GULP1: variants seen among roughly 807,000 people sequenced by gnomAD.
The protein encoded by GULP1 is PTB domain-containing engulfment adapter protein 1.
Under a neutral mutation model 40.9 loss-of-function variants are expected in GULP1, and 19 were observed. The observed-to-expected ratio is 0.46, with a 90% confidence interval of 0.32 to 0.68. The LOEUF (loss-of-function observed/expected upper bound fraction) is 0.68, where lower values mean the gene tolerates loss of function less well. Ranked by LOEUF, GULP1 falls within the 30% of genes least tolerant of loss-of-function variation. The pLI is 0.03. For missense variants in GULP1, 312 were observed against 362.2 expected (o/e 0.86, Z 1.12); for synonymous variants, 119 against 117.6 (o/e 1.01, Z -0.08).
At chr2:188,409,766 A>G (rs535847180) in intron 2 of GULP1, among the ~76,000 whole-genome samples, 2 of 152,306 alleles carry the variant, frequency 1.3e-5, no homozygotes, top group East Asian at 3.9e-4. Flanking sequence ...CACCATGATC[A>G]AGTGGGAATT....
At chr2:188,429,816 T>C (rs1273988647) in intron 2 of GULP1, among the ~76,000 whole-genome samples, 2 of 152,074 alleles carry the variant, frequency 1.3e-5, no homozygotes, top group East Asian at 3.9e-4. Context: ...TCACCCGCCG[T>C]TCTCCTGCCT....
At chr2:188,495,554 T>C (rs901806657) in intron 4 of GULP1, among the ~76,000 whole-genome samples, 2 of 152,006 alleles carry the variant, frequency 1.3e-5, no homozygotes, top group East Asian at 3.9e-4. Flanking sequence ...GACCAACAGT[T>C]TAGAACTGGG....
At chr2:188,540,436 ATG>A (rs1553593749) in intron 6 of GULP1, among the ~76,000 whole-genome samples, 22 of 149,718 alleles carry the variant, frequency 1.5e-4, no homozygotes, top group South Asian at 2.1e-4. Flanking sequence ...ATAATTTAAT[ATG>A]TGTGTGTGTG....
chr2:188,445,307 C>A lies in GULP1; in HGVS notation c.-44-32352C>A, dbSNP rs947025839. On this transcript the variant is annotated intron_variant, in intron 2 of 11. Transcript: ENST00000409830. ...AGGAATTGTTTAAAGGAAAAAAAAA[C>A]AAAAACACTGAAAGCAGGAAAGATA... 4.6e-5 allele frequency among the ~76,000 whole-genome samples: 7 copies of A among 151,180 alleles called. No individual in the cohort carries two copies. The East Asian group carries it at 1.2e-3, about 25-fold the overall frequency.
chr2:188,496,887 C>T (rs1482538551), intron 4 of GULP1, among the ~76,000 whole-genome samples: 1 of 151,818 alleles, frequency 6.6e-6, no homozygotes, highest in African/African-American at 2.4e-5. Flanking sequence ...TGTGTAGCAC[C>T]TCCCACTCCT....
intron 7 of GULP1, among the ~76,000 whole-genome samples, chr2:188,563,522 T>C (rs1696853735): frequency 6.7e-6 from 1 of 149,456 alleles, no homozygotes. Context: ...ATGTAATTTA[T>C]ATTTATATTT....
intron 11 of GULP1, chr2:188,589,978 T>TC (rs1373242685): frequency 5.2e-5 from 14 of 270,588 alleles, no homozygotes; most frequent in African/African-American, 6.7e-5. Context: ...TCTTTTCTTT[T>TC]TTTTTTTGAG....
intron 2 of GULP1, among the ~76,000 whole-genome samples, chr2:188,464,640 G>A (rs2059970379): frequency 6.6e-6 from 1 of 152,190 alleles, no homozygotes; most frequent in Non-Finnish European, 1.5e-5. Context: ...TGCCACCTGG[G>A]AGCCAGGGAC....
intron 9 of GULP1, among the ~76,000 whole-genome samples, chr2:188,578,036 T>C (rs1188418337): frequency 6.6e-6 from 1 of 151,924 alleles, no homozygotes; most frequent in Non-Finnish European, 1.5e-5. Context: ...ATAAATAGAA[T>C]TTTGAACCCT....
chr2:188,484,991 C>T (rs922684542), intron 4 of GULP1, among the ~76,000 whole-genome samples: 2 of 151,978 alleles, frequency 1.3e-5, no homozygotes, highest in Non-Finnish European at 2.9e-5. Flanking sequence ...TCCATCATTT[C>T]CACAGATATT....
intron 2 of GULP1, among the ~76,000 whole-genome samples, chr2:188,398,106 G>A (rs1396250754): frequency 6.6e-6 from 1 of 152,190 alleles, no homozygotes. Flanking sequence ...ACACAGAGGA[G>A]AAGACCATGT....
intron 11 of GULP1, chr2:188,590,844 A>G (rs781605167): frequency 2.6e-5 from 4 of 152,182 alleles, no homozygotes; most frequent in African/African-American, 7.2e-5. Flanking sequence ...AGTGGTGTTA[A>G]GTCAGCTAGC....
chr2:188,382,239 GC>G (rs1219568362), intron 1 of GULP1, among the ~76,000 whole-genome samples: 1 of 152,122 alleles, frequency 6.6e-6, no homozygotes, highest in Non-Finnish European at 1.5e-5. Context: ...GGGAATTAAT[GC>G]CCCTGGGAGC....
At chr2:188,420,032 T>G (rs77401653) in intron 2 of GULP1, among the ~76,000 whole-genome samples, 4,182 of 152,282 alleles carry the variant, frequency 0.027, 103 homozygotes, top group African/African-American at 0.068. Context: ...CTGGGTTCTG[T>G]GTTCTGTTCC....
In GULP1 at chr2:188,595,128, T is replaced by G. The variant is rs1704251121; in HGVS notation, c.*1117T>G. On this transcript the variant is annotated 3_prime_UTR_variant, in exon 12 of 12. Coordinates refer to ENST00000409830, the MANE Select transcript of GULP1 (RefSeq NM_016315.4). ...ACATGAGCAATAAAATTCTCTTGCA[T>G]TTCATTATTGATGTGCTGATGAACC... 1 of 151,626 alleles carries G rather than the reference T, an allele frequency of 6.6e-6. No individual in the cohort carries two copies. The highest frequency in any genetic ancestry group is 2.1e-4 in the South Asian group (1 of 4,832). 9.4% of individuals were successfully genotyped at this position (151,626 alleles called of 1,614,324 possible).
At chr2:188,378,518 G>T (rs1204403873) in intron 1 of GULP1, among the ~76,000 whole-genome samples, 3 of 152,164 alleles carry the variant, frequency 2.0e-5, no homozygotes, top group Non-Finnish European at 4.4e-5. Context: ...TTGGCTCATG[G>T]TTCTGCAAGC....
chr2:188,417,192 T>C (rs1043576598), intron 2 of GULP1, among the ~76,000 whole-genome samples: 2 of 152,236 alleles, frequency 1.3e-5, no homozygotes, highest in Non-Finnish European at 2.9e-5. Context: ...GAAGTTCCTT[T>C]TCCCATTCTC....
At chr2:188,430,021 A>G (rs561957262) in intron 2 of GULP1, among the ~76,000 whole-genome samples, 4 of 152,152 alleles carry the variant, frequency 2.6e-5, no homozygotes, top group African/African-American at 7.2e-5. Context: ...CTGTAAAAAA[A>G]TTTTACAACC....
chr2:188,508,815 G>C (rs865979073), intron 4 of GULP1, among the ~76,000 whole-genome samples: 1 of 151,916 alleles, frequency 6.6e-6, no homozygotes, highest in Non-Finnish European at 1.5e-5. Flanking sequence ...CACATCATTC[G>C]ACACCATTTG....
Sources: gnomAD v4.1 joint callset for allele counts (sites outside exome capture counted in the v4.1 genomes callset) on GRCh38, gnomAD v4.1.1 for gene constraint, MANE v1.5 for transcripts, NCBI Gene and HGNC (gene_info 2026-07-23, HGNC 2026-07-21) for gene names.